The following FGF14 variants were observed in gnomAD, a reference collection of about 807,000 sequenced individuals.
FGF14 encodes fibroblast growth factor homologous factor 4.
FGF14 carries 5 observed loss-of-function variants against 25.5 expected under a neutral mutation model. The observed-to-expected ratio is 0.20, with a 90% CI of 0.10 to 0.41. The LOEUF (loss-of-function observed/expected upper bound fraction) is 0.41, where lower values mean the gene tolerates loss of function less well. FGF14 is among the 10% of genes least tolerant of loss of function. The pLI, the probability that FGF14 is intolerant of heterozygous loss-of-function variation, is 1.00. For missense variants in FGF14, 222 were observed against 320.1 expected, an observed-to-expected ratio of 0.69 and a Z score of 2.34; for synonymous variants, 138 against 118.3, an observed-to-expected ratio of 1.17 and a Z score of -1.08.
At chr13:102,265,483 G>T (rs915591331) in intron 1 of FGF14, among the ~76,000 whole-genome samples, 1 of 152,120 alleles carries the variant, frequency 6.6e-6, no homozygotes, top group Non-Finnish European at 1.5e-5. Context: ...TCTTCTATAA[G>T]CCATGACTTG....
At chr13:101,935,514 T>C (rs2035040920) in intron 1 of FGF14, among the ~76,000 whole-genome samples, 2 of 152,322 alleles carry the variant, frequency 1.3e-5, no homozygotes, top group East Asian at 1.9e-4. Flanking sequence ...GTTCTCATGA[T>C]AGTCAGTGAG....
intron 1 of FGF14, among the ~76,000 whole-genome samples, chr13:102,299,489 T>C (rs1258386807): frequency 1.3e-5 from 2 of 152,116 alleles, no homozygotes; most frequent in African/African-American, 4.8e-5. Flanking sequence ...ATTACGATCA[T>C]ACTATTGTCA....
intron 1 of FGF14, among the ~76,000 whole-genome samples, chr13:101,989,094 T>C (rs975283828): frequency 6.6e-6 from 1 of 152,060 alleles, no homozygotes; most frequent in East Asian, 1.9e-4. Flanking sequence ...AAAAGTGATT[T>C]AAAAAGAATC....
At position 101,718,408 on chromosome 13, in the gene FGF14, C is replaced by T. The variant is rs2034804814; in HGVS notation, c.*4423G>A. The T allele has an allele frequency of 2.0e-5, 3 of 152,134 alleles. No individual in the cohort carries two copies. In the South Asian group the frequency reaches 6.2e-4, roughly 32 times the overall value. The allele number at this position is 152,134 out of a possible 1,614,324, so 9.4% of individuals were successfully genotyped here. A position where few individuals can be genotyped will look rare whatever the true frequency, so the allele number is the denominator to read the frequency against. Reference sequence around the variant, plus strand: ...ATAGAAACTCCCTCTAAAAAACAAGCAGGGCAAGAACAAACTTACTTGTAA... The same window carrying T: ...ATAGAAACTCCCTCTAAAAAACAAGTAGGGCAAGAACAAACTTACTTGTAA... On this transcript the variant is annotated 3_prime_UTR_variant, in exon 5 of 5. Coordinates refer to ENST00000376143, the MANE Select transcript of FGF14 (RefSeq NM_004115.4).
At chr13:102,073,862 G>A (rs2043246354) in intron 1 of FGF14, among the ~76,000 whole-genome samples, 1 of 152,182 alleles carries the variant, frequency 6.6e-6, no homozygotes. Context: ...GGATTCCCTG[G>A]AGCTAAGGAA....
intron 1 of FGF14, among the ~76,000 whole-genome samples, chr13:102,337,668 A>C (rs1304223670): frequency 6.6e-6 from 1 of 152,168 alleles, no homozygotes; most frequent in African/African-American, 2.4e-5. Context: ...TGAAAGGAAG[A>C]GTCCATTGAT....
intron 1 of FGF14, among the ~76,000 whole-genome samples, chr13:102,036,962 C>A (rs1030067655): frequency 6.6e-6 from 1 of 152,084 alleles, no homozygotes; most frequent in Admixed American, 6.6e-5. Flanking sequence ...ATGGTCAGAG[C>A]AAAATACACA....
rs548551530 is a variant in FGF14, at chr13:102,076,156, T to A, written c.209-200860A>T. 4.6e-5 allele frequency among the ~76,000 whole-genome samples: 7 copies of A among 152,318 alleles called. No homozygotes were observed. In the South Asian group the frequency reaches 1.5e-3, roughly 32 times the overall value. On this transcript the variant is annotated intron_variant, in intron 1 of 4. Coordinates refer to the FGF14 transcript ENST00000376131. The stretch of plus-strand genomic sequence containing the variant: ...TGATTATGAAGTCTACAGTAGTATG[T>A]CCTAGGCCTTCACATCCACTCACCA...
rs946272032 is a variant in FGF14 at position 102,379,016 on chromosome 13, C to T, written c.208+22455G>A. Among the ~76,000 whole-genome samples the T allele has an allele frequency of 3.9e-5, 6 of 152,002 alleles. 1 individual carries two copies. In the South Asian group the frequency reaches 1.2e-3, roughly 32 times the overall value. On this transcript the variant is annotated intron_variant, in intron 1 of 4. Coordinates refer to the FGF14 transcript ENST00000376131. ...GAGTTGTACCAAAAGCTCTGTCCAG[C>T]CTATGAAGGAGGACATAAAAGATTG...
Position 101,722,767 on chromosome 13 carries a change from T to G in FGF14, c.*64A>C, listed in dbSNP as rs919185274. 5.0e-6 allele frequency: 8 copies of G among 1,602,240 alleles called. No individual in the cohort carries two copies. In the African/African-American group the frequency reaches 1.1e-4, roughly 21 times the overall value. On this transcript the variant is annotated 3_prime_UTR_variant, in exon 5 of 5. Coordinates refer to ENST00000376143, the MANE Select transcript of FGF14 (RefSeq NM_004115.4). The stretch of plus-strand genomic sequence containing the variant: ...TCTTCAGCCACGGAGCAGGAATGTC[T>G]GGTGAGGATAAATCACTCAACTGTG...
At chr13:101,940,039 C>T (rs1233916095) in intron 1 of FGF14, among the ~76,000 whole-genome samples, 1 of 152,202 alleles carries the variant, frequency 6.6e-6, no homozygotes, top group Non-Finnish European at 1.5e-5. Context: ...TCTCTTTTCT[C>T]CTTAACTGGC....
intron 1 of FGF14, among the ~76,000 whole-genome samples, chr13:102,081,036 C>T (rs2140194552): frequency 6.6e-6 from 1 of 152,314 alleles, no homozygotes; most frequent in South Asian, 2.1e-4. Flanking sequence ...ACCTTCTTCT[C>T]ACATTCAAGG....
chr13:102,339,504 C>G (rs1212906116), intron 1 of FGF14, among the ~76,000 whole-genome samples: 1 of 152,090 alleles, frequency 6.6e-6, no homozygotes, highest in Non-Finnish European at 1.5e-5. Flanking sequence ...CAGTAAAAAT[C>G]TACATCATAT....
chr13:101,913,652 G>C (rs1024335665), intron 1 of FGF14, among the ~76,000 whole-genome samples: 1 of 151,584 alleles, frequency 6.6e-6, no homozygotes, highest in African/African-American at 2.4e-5. Flanking sequence ...TCTCCCAATG[G>C]GACAATATTT....
intron 1 of FGF14, among the ~76,000 whole-genome samples, chr13:102,391,472 C>A (rs1171703535): frequency 1.3e-5 from 2 of 152,128 alleles, no homozygotes; most frequent in African/African-American, 2.4e-5. Context: ...TAATAATAAG[C>A]AATAATGATG....
chr13:102,271,929 C>G (rs778668902), intron 1 of FGF14, among the ~76,000 whole-genome samples: 2 of 152,144 alleles, frequency 1.3e-5, no homozygotes, highest in Non-Finnish European at 2.9e-5. Flanking sequence ...TTGCCCCAAC[C>G]CAATAGTCTA....
chr13:102,327,761 C>T lies in FGF14; in HGVS notation c.208+73710G>A, dbSNP rs1218090646. Among the ~76,000 whole-genome samples the T allele has an allele frequency of 1.8e-4, 28 of 151,838 alleles. 1 individual carries two copies. The highest frequency in any genetic ancestry group is 1.5e-5 in the Non-Finnish European group (1 of 67,940). On this transcript the variant is annotated intron_variant, in intron 1 of 4. Transcript: ENST00000376131. ...GGCTGAGGCAAGAGGATCACTTGAG[C>T]CTGGGAGGTCGAGACTGCAGTGAGC...
chr13:101,817,364 C>A (rs772682761), intron 3 of FGF14, among the ~76,000 whole-genome samples: 1 of 151,782 alleles, frequency 6.6e-6, no homozygotes, highest in African/African-American at 2.4e-5. Flanking sequence ...TAAAATAAAA[C>A]CCTGGATAAA....
intron 1 of FGF14, among the ~76,000 whole-genome samples, chr13:101,952,255 T>G (rs2036214634): frequency 1.3e-5 from 2 of 152,202 alleles, no homozygotes; most frequent in Non-Finnish European, 2.9e-5. Flanking sequence ...GTCTTTCCAC[T>G]GCAAATTCAA....
Sources: gnomAD v4.1 joint callset for allele counts (sites outside exome capture counted in the v4.1 genomes callset) on GRCh38, gnomAD v4.1.1 for gene constraint, MANE v1.5 for transcripts, NCBI Gene and HGNC (gene_info 2026-07-23, HGNC 2026-07-21) for gene names.